CREB5: variants seen among roughly 807,000 people sequenced by gnomAD.
The protein encoded by CREB5 is cAMP responsive element binding protein 5.
In CREB5, 19 loss-of-function variants were observed where a neutral mutation model predicts 57.1. The observed-to-expected ratio is 0.33, with a 90% CI of 0.23 to 0.49. CREB5 has a LOEUF of 0.49. CREB5 is among the 20% of genes least tolerant of loss of function. The pLI is 0.99. For missense variants in CREB5, 579 were observed against 671.6 expected (o/e 0.86, Z 1.52); for synonymous variants, 238 against 238.3 (o/e 1.00, Z 0.01).
chr7:28,395,809 T>A lies in CREB5; in HGVS notation c.-25+96368T>A, dbSNP rs552743898. ...TCTTTCTTTCTTTCTTTCTTTTTTT[T>A]TTCTGTAGTAACTCTAGGCAAATTC... On this transcript the variant is annotated intron_variant, in intron 1 of 9. Transcript: ENST00000396299. 2.0e-5 allele frequency among the ~76,000 whole-genome samples: 3 copies of A among 151,766 alleles called. No individual in the cohort carries two copies. The South Asian group carries it at 6.2e-4, about 31-fold the overall frequency.
intron 1 of CREB5, among the ~76,000 whole-genome samples, chr7:28,368,454 G>A (rs1445331985): frequency 3.2e-4 from 49 of 152,176 alleles, no homozygotes; most frequent in Admixed American, 3.1e-3. Context: ...AGTGCTCTGT[G>A]GTCTGGGCCC....
chr7:28,822,417 G>A lies in CREB5; in HGVS notation c.*3138G>A, dbSNP rs1562667778. On this transcript the variant is annotated 3_prime_UTR_variant, in exon 11 of 11. Transcript: ENST00000357727. ...TGTCCTACACTTTTTGCCTGTTTGG[G>A]AGAATATCTTTGTACTCCATTCTCC... The A allele has an allele frequency of 6.6e-6, 1 of 152,460 alleles. No homozygotes were observed. Among genetic ancestry groups the A allele is most frequent in the Non-Finnish European group, 1.5e-5 (1 of 68,042 alleles). 9.4% of individuals were successfully genotyped at this position (152,460 alleles called of 1,614,324 possible).
At chr7:28,732,328 A>C (rs1303763778) in intron 7 of CREB5, among the ~76,000 whole-genome samples, 1 of 152,082 alleles carries the variant, frequency 6.6e-6, no homozygotes, top group African/African-American at 2.4e-5. Context: ...CCAGCCCAGC[A>C]CGCGCATTGC....
chr7:28,385,858 T>C (rs1787081467), intron 1 of CREB5, among the ~76,000 whole-genome samples: 1 of 152,120 alleles, frequency 6.6e-6, no homozygotes, highest in African/African-American at 2.4e-5. Flanking sequence ...GATCATTTTT[T>C]AGAGTGCTGT....
intron 1 of CREB5, among the ~76,000 whole-genome samples, chr7:28,369,718 A>C (rs1212960309): frequency 1.3e-5 from 2 of 152,156 alleles, no homozygotes; most frequent in Non-Finnish European, 2.9e-5. Context: ...GCCTCAAGGC[A>C]GGGCAGACCC....
At chr7:28,435,707 T>C (rs1788933147) in intron 1 of CREB5, 2 of 972,634 alleles carry the variant, frequency 2.1e-6, no homozygotes, top group Non-Finnish European at 2.4e-6. Context: ...TGGGGTTGTA[T>C]AATACTCGTG....
At chr7:28,375,840 G>T (rs145938186) in intron 1 of CREB5, among the ~76,000 whole-genome samples, 213 of 152,124 alleles carry the variant, frequency 1.4e-3, no homozygotes, top group African/African-American at 5.0e-3. Context: ...TCTGTAATAA[G>T]TGTTTCACAT....
chr7:28,808,602 G>C (rs185033671), intron 8 of CREB5, among the ~76,000 whole-genome samples: 1 of 151,764 alleles, frequency 6.6e-6, no homozygotes, highest in South Asian at 2.1e-4. Context: ...GCAGTGGCAC[G>C]ATCATAGCTC....
chr7:28,436,189 C>A (rs1788954138), intron 1 of CREB5, among the ~76,000 whole-genome samples: 1 of 152,046 alleles, frequency 6.6e-6, no homozygotes, highest in African/African-American at 2.4e-5. Flanking sequence ...ACCTGATATG[C>A]CCTCTCCAGT....
chr7:28,364,706 C>A (rs1233563369), intron 1 of CREB5, among the ~76,000 whole-genome samples: 1 of 152,186 alleles, frequency 6.6e-6, no homozygotes, highest in African/African-American at 2.4e-5. Context: ...TCTGCACCTA[C>A]CTTGCCAATA....
At chr7:28,570,584 G>A in intron 5 of CREB5, 47 bp downstream of exon 5, 1 of 1,587,284 alleles carries the variant, frequency 6.3e-7, no homozygotes. Context: ...TGGAACTCAG[G>A]AAATGTCCTG....
At position 28,702,373 on chromosome 7, in the gene CREB5, T is replaced by G. The variant is rs1801905410; in HGVS notation, c.465-16380T>G. On this transcript the variant is annotated intron_variant, in intron 5 of 10. Transcript: ENST00000357727. ...AATTATAAGCCTTGGAAAGAAAACA[T>G]TTCCATTTGGCATTTTCACTTTTGT... is the stretch of plus-strand genomic sequence containing the variant. 2.6e-5 allele frequency among the ~76,000 whole-genome samples: 4 copies of G among 152,212 alleles called. No homozygotes were observed. In the South Asian group the frequency reaches 8.3e-4, roughly 32 times the overall value.
intron 4 of CREB5, among the ~76,000 whole-genome samples, chr7:28,546,703 A>G (rs182495353): frequency 5.3e-5 from 8 of 152,290 alleles, no homozygotes; most frequent in African/African-American, 1.9e-4. Flanking sequence ...TTTTAGGACT[A>G]TTTTTATGAG....
chr7:28,569,216 G>C (rs535136626), intron 4 of CREB5, among the ~76,000 whole-genome samples: 1 of 151,226 alleles, frequency 6.6e-6, no homozygotes, highest in African/African-American at 2.4e-5. Flanking sequence ...GTAATGTGGA[G>C]TGTAGAGGTG....
At chr7:28,792,828 A>T (rs1445043704) in intron 7 of CREB5, among the ~76,000 whole-genome samples, 1 of 152,172 alleles carries the variant, frequency 6.6e-6, no homozygotes, top group Non-Finnish European at 1.5e-5. Flanking sequence ...GGCAGTGGAC[A>T]AATGGCATCA....
chr7:28,517,854 G>A (rs1220945832), intron 4 of CREB5, among the ~76,000 whole-genome samples: 9 of 152,192 alleles, frequency 5.9e-5, no homozygotes, highest in East Asian at 1.9e-4. Flanking sequence ...TTTGGTTCTC[G>A]GGTGAAGCAG....
At chr7:28,450,536 G>C (rs1239860626) in intron 1 of CREB5, among the ~76,000 whole-genome samples, 2 of 152,232 alleles carry the variant, frequency 1.3e-5, no homozygotes, top group Non-Finnish European at 2.9e-5. Flanking sequence ...TTAGAAAAGA[G>C]TCATTGCAAC....
chr7:28,324,117 A>G (rs1490796854), intron 1 of CREB5, among the ~76,000 whole-genome samples: 3 of 152,166 alleles, frequency 2.0e-5, no homozygotes, highest in Non-Finnish European at 2.9e-5. Flanking sequence ...GCGGTCCCCT[A>G]TGGGGGTTGA....
rs71555740 is a variant in CREB5 at position 28,395,801 on chromosome 7, C to CT, written c.-25+96370dup. Reference sequence around the variant, plus strand: ...TTCTTTTTTCTTTCTTTCTTTCTTTCTTTTTTTTTTCTGTAGTAACTCTAG... The same window carrying CT: ...TTCTTTTTTCTTTCTTTCTTTCTTTCTTTTTTTTTTTCTGTAGTAACTCTAG... On this transcript the variant is annotated intron_variant, in intron 1 of 9. Transcript: ENST00000396299. Among the ~76,000 whole-genome samples the CT allele has an allele frequency of 5.4e-3, 807 of 149,246 alleles. 7 individuals are homozygous for CT. The highest frequency in any genetic ancestry group is 6.9e-3 in the Non-Finnish European group (466 of 67,098).
Sources: allele counts gnomAD v4.1 joint callset (sites outside exome capture counted in the v4.1 genomes callset), GRCh38; gene constraint gnomAD v4.1.1; transcripts MANE v1.5; gene names NCBI Gene and HGNC (gene_info 2026-07-23, HGNC 2026-07-21).